RABIF: variants seen among roughly 807,000 people sequenced by gnomAD.
The protein encoded by RABIF is guanine nucleotide exchange factor MSS4.
A neutral mutation model predicts 12.3 loss-of-function variants in RABIF; 13 were observed. The ratio of observed to expected loss-of-function variants is 1.06; its 90% CI spans 0.69 to 1.68. The LOEUF (loss-of-function observed/expected upper bound fraction) is 1.68, where lower values mean the gene tolerates loss of function less well. Among genes scored for constraint, RABIF ranks in the 40% most tolerant of loss-of-function variants. The probability of loss-of-function intolerance (pLI) is 0.00; values close to 1 mark genes in which losing one functional copy is unlikely to be tolerated. For synonymous variants in RABIF, 70 were observed against 63.3 expected, an observed-to-expected ratio of 1.11 and a Z score of -0.50; for missense variants, 153 against 158.0, an observed-to-expected ratio of 0.97 and a Z score of 0.17.
intron 1 of RABIF, among the ~76,000 whole-genome samples, chr1:202,884,572 C>T (rs1659532785): frequency 6.6e-6 from 1 of 152,122 alleles, no homozygotes; most frequent in South Asian, 2.1e-4. Context: ...TGTTAGAAGT[C>T]CGGCTATCCT....
rs562550394 is a variant in RABIF, at chr1:202,880,660, C to T, written c.*318G>A. On this transcript the variant is annotated 3_prime_UTR_variant, in exon 2 of 2. Coordinates refer to ENST00000367262, the MANE Select transcript of RABIF (RefSeq NM_002871.5). ...ACTGCTCTTCTAGAGCAAGAAAAAGCGGGAGCCCCTGGGCAAAACAGAGCC... is the reference window on the plus strand; with the variant it reads ...ACTGCTCTTCTAGAGCAAGAAAAAGTGGGAGCCCCTGGGCAAAACAGAGCC... 30 of 1,036,594 alleles carry T rather than the reference C, an allele frequency of 2.9e-5. No individual in the cohort carries two copies. The highest frequency in any genetic ancestry group is 4.3e-4 in the Middle Eastern group (1 of 2,316). 64.2% of individuals were successfully genotyped at this position (1,036,594 alleles called of 1,614,324 possible).
In RABIF at chr1:202,889,146, C is replaced by T. The variant is rs1322585255; in HGVS notation, c.-48G>A. The T allele has an allele frequency of 1.3e-6, 2 of 1,553,026 alleles. No homozygotes were observed. Among genetic ancestry groups the T allele is most frequent in the Admixed American group, 1.9e-5 (1 of 52,286 alleles). On this transcript the variant is annotated 5_prime_UTR_variant, in exon 1 of 2. Coordinates refer to ENST00000367262, the MANE Select transcript of RABIF (RefSeq NM_002871.5). ...TCAGCCACGGCTGCGCAGACGCTGT[C>T]TCTGCTGGCTCGTTATTCACTGCGC... is the stretch of plus-strand genomic sequence containing the variant.
Position 202,880,738 on chromosome 1 carries a change from C to T in RABIF, c.*240G>A. The T allele has an allele frequency of 1.6e-6, 2 of 1,270,070 alleles. No individual in the cohort carries two copies. Among genetic ancestry groups the T allele is most frequent in the East Asian group, 3.2e-5 (1 of 31,742 alleles). 78.7% of individuals were successfully genotyped at this position (1,270,070 alleles called of 1,614,324 possible). A position where few individuals can be genotyped will look rare whatever the true frequency, so the allele number is the denominator to read the frequency against. ...ATTTTTGGAGGTAAGCACAGTGTCCCAAAACTGGGGGAAAAGGGAGCTTAG... is the reference window on the plus strand; with the variant it reads ...ATTTTTGGAGGTAAGCACAGTGTCCTAAAACTGGGGGAAAAGGGAGCTTAG... On this transcript the variant is annotated 3_prime_UTR_variant, in exon 2 of 2. Coordinates refer to ENST00000367262, the MANE Select transcript of RABIF (RefSeq NM_002871.5).
At chr1:202,888,591 C>T (rs1659599285) in intron 1 of RABIF, among the ~76,000 whole-genome samples, 1 of 152,228 alleles carries the variant, frequency 6.6e-6, no homozygotes, top group Non-Finnish European at 1.5e-5. Flanking sequence ...CCTGCCGGGT[C>T]CTGCAAGCTG....
At chr1:202,885,219 T>G (rs1468983813) in intron 1 of RABIF, among the ~76,000 whole-genome samples, 2 of 151,974 alleles carry the variant, frequency 1.3e-5, no homozygotes, top group African/African-American at 4.8e-5. Flanking sequence ...CAGATATTGC[T>G]ACATGTCCTC....
chr1:202,879,673 C>G lies in RABIF; in HGVS notation c.*1305G>C, dbSNP rs1389363971. 6.6e-6 allele frequency: 1 copy of G among 152,264 alleles called. No individual in the cohort carries two copies. The highest frequency in any genetic ancestry group is 6.5e-5 in the Admixed American group (1 of 15,280). The allele number at this position is 152,264 out of a possible 1,614,324, so 9.4% of individuals were successfully genotyped here. A position where few individuals can be genotyped will look rare whatever the true frequency, so the allele number is the denominator to read the frequency against. On this transcript the variant is annotated 3_prime_UTR_variant, in exon 2 of 2. Transcript: ENST00000367262. ...AAACTGTGCCCAAGGCCACCTTGCA[C>G]TGCAGTCGGGGAGCCCTTAGAAAGT...
At chr1:202,887,913 A>T (rs1385261233) in intron 1 of RABIF, among the ~76,000 whole-genome samples, 1 of 152,214 alleles carries the variant, frequency 6.6e-6, no homozygotes, top group Non-Finnish European at 1.5e-5. Context: ...ACTTCGTAAA[A>T]TTAATTGAGA....
chr1:202,881,463 G>A lies in RABIF; in HGVS notation c.127-240C>T, dbSNP rs529174434. 2.4e-3 allele frequency among the ~76,000 whole-genome samples: 371 copies of A among 151,930 alleles called. 1 individual carries two copies. Among genetic ancestry groups the A allele is most frequent in the African/African-American group, 8.5e-3 (354 of 41,456 alleles). The stretch of plus-strand genomic sequence containing the variant: ...GTCGCCTAGGCTGGAGTGCAGTGGC[G>A]CGATCTCAGCTCACTGCAACCTCCG... On this transcript the variant is annotated intron_variant, in intron 1 of 1. Transcript: ENST00000367262.
rs1659605605 is a variant in RABIF at position 202,888,870 on chromosome 1, G to A, written c.126+103C>T. ...GGCGGGGCTTAAGGCCGCGCGAGGAGGGCGCGGTTGCCGGAAATTGAAGAG... is the reference window on the plus strand; with the variant it reads ...GGCGGGGCTTAAGGCCGCGCGAGGAAGGCGCGGTTGCCGGAAATTGAAGAG... On this transcript the variant is annotated intron_variant, in intron 1 of 1. Coordinates refer to ENST00000367262, the MANE Select transcript of RABIF (RefSeq NM_002871.5). 5.0e-6 allele frequency: 7 copies of A among 1,406,714 alleles called. No homozygotes were observed. In the South Asian group the frequency reaches 9.1e-5, roughly 18 times the overall value. The allele number at this position is 1,406,714 out of a possible 1,614,324, so 87.1% of individuals were successfully genotyped here. A position where few individuals can be genotyped will look rare whatever the true frequency, so the allele number is the denominator to read the frequency against.
In RABIF at chr1:202,881,225, T is replaced by C. The variant is rs773327643; in HGVS notation, c.127-2A>G. 1.2e-6 allele frequency: 2 copies of C among 1,610,826 alleles called. No individual in the cohort carries two copies. The highest frequency in any genetic ancestry group is 1.7e-6 in the Non-Finnish European group (2 of 1,177,788). ...CTTTCTCATGGAGGGAAGGAAAAGC[T>C]GCAGTGGGAAAGAACATAAAGAACG... On this transcript the variant is annotated splice_acceptor_variant, in intron 1 of 1. Coordinates refer to ENST00000367262, the MANE Select transcript of RABIF (RefSeq NM_002871.5). LOFTEE classifies it high-confidence loss of function.
chr1:202,881,334 G>A, intron 1 of RABIF, 111 bp from the exon 2 acceptor site: 1 of 1,422,570 alleles, frequency 7.0e-7, no homozygotes, highest in Non-Finnish European at 9.3e-7. Flanking sequence ...GACAAAAAAA[G>A]AGAAGCCCTC....
At chr1:202,884,843 G>C (rs1195032830) in intron 1 of RABIF, among the ~76,000 whole-genome samples, 1 of 152,082 alleles carries the variant, frequency 6.6e-6, no homozygotes, top group Non-Finnish European at 1.5e-5. Flanking sequence ...CCAGCACTTT[G>C]GGAGGCTGAG....
chr1:202,881,302 C>G, intron 1 of RABIF, 79 bp from the exon 2 acceptor site: 2 of 1,513,096 alleles, frequency 1.3e-6, no homozygotes, highest in East Asian at 4.5e-5. Flanking sequence ...AGGTACACTT[C>G]ACATTGCTCC....
rs953221332 is a variant in RABIF, at chr1:202,886,247, G to A, written c.126+2726C>T. On this transcript the variant is annotated intron_variant, in intron 1 of 1. Transcript: ENST00000367262. ...ACAACGGGGAACGGGAACGGGGAGG[G>A]GAGGGGAGGTGGGAAGGGAAGGGGG... Among the ~76,000 whole-genome samples, 38 of 138,026 alleles carry A rather than the reference G, an allele frequency of 2.8e-4. 1 individual carries two copies. The highest frequency in any genetic ancestry group is 1.3e-3 in the Admixed American group (18 of 13,562). 90.6% of individuals were successfully genotyped at this position (138,026 alleles called of 152,430 possible).
chr1:202,881,631 T>C (rs985248152), intron 1 of RABIF, among the ~76,000 whole-genome samples: 8 of 152,206 alleles, frequency 5.3e-5, no homozygotes, highest in African/African-American at 1.9e-4. Flanking sequence ...ATGGTCTCGA[T>C]CTCTTGACCT....
chr1:202,888,071 C>T (rs1009867934), intron 1 of RABIF, among the ~76,000 whole-genome samples: 2 of 152,142 alleles, frequency 1.3e-5, no homozygotes, highest in Non-Finnish European at 2.9e-5. Context: ...CGAATGGGTA[C>T]CTCTTGCTCT....
Position 202,889,134 on chromosome 1 carries a change from C to T in RABIF, c.-36G>A, listed in dbSNP as rs1429783847. The T allele has an allele frequency of 6.3e-7, 1 of 1,580,460 alleles. No homozygotes were observed. The highest frequency in any genetic ancestry group is 1.4e-5 in the African/African-American group (1 of 73,814). On this transcript the variant is annotated 5_prime_UTR_variant, in exon 1 of 2. Transcript: ENST00000367262. ...GCCACAGGCTCCTCAGCCACGGCTG[C>T]GCAGACGCTGTCTCTGCTGGCTCGT...
At position 202,880,620 on chromosome 1, in the gene RABIF, G is replaced by C. The variant is rs1007826638; in HGVS notation, c.*358C>G. ...GCATCTTTTGTTATGTGTCATCATA[G>C]CTAAAAGGTTGAATACTGCTCTTCT... On this transcript the variant is annotated 3_prime_UTR_variant, in exon 2 of 2. Transcript: ENST00000367262. The C allele has an allele frequency of 3.5e-6, 3 of 866,678 alleles. No homozygotes were observed. In the African/African-American group the frequency reaches 5.4e-5, roughly 16 times the overall value. The allele number at this position is 866,678 out of a possible 1,614,324, so 53.7% of individuals were successfully genotyped here. A position where few individuals can be genotyped will look rare whatever the true frequency, so the allele number is the denominator to read the frequency against.
chr1:202,883,315 G>A (rs1659518080), intron 1 of RABIF, among the ~76,000 whole-genome samples: 1 of 152,124 alleles, frequency 6.6e-6, no homozygotes, highest in Non-Finnish European at 1.5e-5. Flanking sequence ...TACAGTACAA[G>A]CCATTGTGTA....
Sources: allele counts gnomAD v4.1 joint callset (sites outside exome capture counted in the v4.1 genomes callset), GRCh38; gene constraint gnomAD v4.1.1; transcripts MANE v1.5; gene names NCBI Gene and HGNC (gene_info 2026-07-23, HGNC 2026-07-21).